Variants in XPO6 observed in about 807,000 individuals in gnomAD.
XPO6 encodes exportin-6.
A neutral mutation model predicts 130.0 loss-of-function variants in XPO6; 3 were observed. That is an observed-to-expected ratio of 0.02 (90% CI 0.01 to 0.06). The LOEUF (loss-of-function observed/expected upper bound fraction) is 0.06. Ranked by LOEUF, XPO6 falls within the 10% of genes least tolerant of loss-of-function variation. The probability of loss-of-function intolerance (pLI) is 1.00; values close to 1 mark genes in which losing one functional copy is unlikely to be tolerated. For missense variants in XPO6, 970 were observed against 1,393.0 expected (o/e 0.70, Z 4.83); for synonymous variants, 524 against 548.9 (o/e 0.95, Z 0.63).
intron 15 of XPO6, among the ~76,000 whole-genome samples, chr16:28,115,026 G>A (rs570975939): frequency 6.6e-5 from 10 of 152,232 alleles, no homozygotes; most frequent in South Asian, 2.1e-4. Context: ...TTCAGACTCC[G>A]CCTCTAGTTC....
Position 28,111,987 on chromosome 16 carries a change from C to T in XPO6, c.2171G>A (p.Arg724Gln), listed in dbSNP as rs1433696503. The T allele has an allele frequency of 4.3e-6, 7 of 1,612,646 alleles. No individual in the cohort carries two copies. The highest frequency in any genetic ancestry group is 5.9e-6 in the Non-Finnish European group (7 of 1,179,272). ...LVDKAQVLVC[R>Q]ALSNILLLPW... is the part of the protein sequence containing the mutation. ...AAGCAGCAAGATGTTAGAGAGGGCTCGGCACACCAACACCTGGGCCTACAA... is the reference window on the plus strand; with the variant it reads ...AAGCAGCAAGATGTTAGAGAGGGCTTGGCACACCAACACCTGGGCCTACAA... Residue 724 changes from arginine (R) to glutamine (Q), a missense_variant, in exon 17 of 24, where the codon CGA (arginine) becomes CAA (glutamine). Transcript: ENST00000304658.
At position 28,125,727 on chromosome 16, in the gene XPO6, A is replaced by C. The variant is rs2087383003; in HGVS notation, c.1728T>G (p.Phe576Leu). The C allele has an allele frequency of 6.2e-7, 1 of 1,614,120 alleles. No homozygotes were observed. Among genetic ancestry groups the C allele is most frequent in the Non-Finnish European group, 8.5e-7 (1 of 1,180,050 alleles). Residue 576 changes from phenylalanine to leucine, a missense_variant, in exon 13 of 24, where the codon TTT becomes TTG. Phe to Leu is a conservative substitution (Grantham distance 22, BLOSUM62 0). Around this residue, in one of 4 missense-constraint regions of XPO6, gnomAD observed 936 missense variants for 1,306.8 expected, o/e 0.72. Coordinates refer to ENST00000304658, the MANE Select transcript of XPO6 (RefSeq NM_015171.4). ...RLAEYFIGDV[F>L]AARFNDALTV... ...TGAGGGCATCATTGAACCGTGCAGCAAACACATCCCCGATAAAGTACTCGG... is the reference window on the plus strand; with the variant it reads ...TGAGGGCATCATTGAACCGTGCAGCCAACACATCCCCGATAAAGTACTCGG...
chr16:28,148,661 C>T (rs538860369), intron 8 of XPO6, among the ~76,000 whole-genome samples: 9 of 152,286 alleles, frequency 5.9e-5, no homozygotes, highest in Non-Finnish European at 1.2e-4. Context: ...TCCCCTTTTA[C>T]AGATAAAGAA....
chr16:28,195,120 G>C (rs2043839356), intron 1 of XPO6, among the ~76,000 whole-genome samples: 1 of 151,898 alleles, frequency 6.6e-6, no homozygotes, highest in Non-Finnish European at 1.5e-5. Context: ...CTCTCATACA[G>C]GGATGGCAAG....
intron 1 of XPO6, among the ~76,000 whole-genome samples, chr16:28,197,599 A>T (rs1315221293): frequency 6.6e-6 from 1 of 152,226 alleles, no homozygotes; most frequent in South Asian, 2.1e-4. Flanking sequence ...CTTTCTGGAA[A>T]ACATGTGATG....
chr16:28,191,621 G>C (rs1246454071), intron 1 of XPO6, among the ~76,000 whole-genome samples: 1 of 152,194 alleles, frequency 6.6e-6, no homozygotes, highest in Non-Finnish European at 1.5e-5. Flanking sequence ...CCCAAAGTCA[G>C]CTAGCTGTGG....
intron 5 of XPO6, 22 bp from the exon 6 acceptor site, chr16:28,166,607 A>G: frequency 6.4e-7 from 1 of 1,563,628 alleles, no homozygotes; most frequent in South Asian, 1.2e-5. Flanking sequence ...GGAGAAACAG[A>G]GTTATAAGAG....
chr16:28,199,875 G>C (rs945773730), intron 1 of XPO6, among the ~76,000 whole-genome samples: 1 of 151,786 alleles, frequency 6.6e-6, no homozygotes, highest in Admixed American at 6.6e-5. Context: ...GCCTTCCCTG[G>C]GCCGGGCACG....
chr16:28,179,343 C>T (rs1161275023), intron 2 of XPO6: 3 of 152,302 alleles, frequency 2.0e-5, no homozygotes, highest in Admixed American at 2.0e-4. Context: ...AGATTACAGG[C>T]ATGGGCCACC....
intron 1 of XPO6, among the ~76,000 whole-genome samples, chr16:28,182,088 C>A (rs890573805): frequency 1.3e-5 from 2 of 152,158 alleles, no homozygotes; most frequent in African/African-American, 4.8e-5. Flanking sequence ...TAATCAAGAG[C>A]CAGCAGCAGT....
In XPO6 at chr16:28,211,523, A is replaced by C; in HGVS notation, c.-155T>G. 2 of 882,802 alleles carry C rather than the reference A, an allele frequency of 2.3e-6. No individual in the cohort carries two copies. Among genetic ancestry groups the C allele is most frequent in the Non-Finnish European group, 3.1e-6 (2 of 654,786 alleles). 54.7% of individuals were successfully genotyped at this position (882,802 alleles called of 1,614,324 possible). On this transcript the variant is annotated 5_prime_UTR_variant, in exon 1 of 24. Coordinates refer to ENST00000304658, the MANE Select transcript of XPO6 (RefSeq NM_015171.4). ...CACCGGGCCCCGAGGGGACCCTCTA[A>C]AAAGGGCAGGGCCGCCCGGGTCGCC...
Position 28,152,799 on chromosome 16 carries a change from G to A in XPO6, c.1098-14C>T. On this transcript the variant is annotated splice_polypyrimidine_tract_variant and intron_variant, in intron 7 of 23. Transcript: ENST00000304658. ...TTCTCGATATAGCTAAATGAGACAA[G>A]ACAAAAGGTGACAATAAGAAACCCA... 6.2e-7 allele frequency: 1 copy of A among 1,605,696 alleles called. No homozygotes were observed. Among genetic ancestry groups the A allele is most frequent in the Non-Finnish European group, 8.5e-7 (1 of 1,177,628 alleles).
chr16:28,135,300 C>G lies in XPO6; in HGVS notation c.1359G>C (p.Leu453=), dbSNP rs1219963594. ...GGATTCGATTCAACACCTCTGTGAGCAGGAGCACCAGGGCATCTTCGTACC... is the reference window on the plus strand; with the variant it reads ...GGATTCGATTCAACACCTCTGTGAGGAGGAGCACCAGGGCATCTTCGTACC... ...LNRYEDALVL[L]LTEVLNRIQF... The change falls in exon 10 of 24, where the codon CTG becomes CTC. Residue 453 remains leucine (L), a synonymous_variant. Coordinates refer to ENST00000304658, the MANE Select transcript of XPO6 (RefSeq NM_015171.4). 1.2e-6 allele frequency: 2 copies of G among 1,613,700 alleles called. No individual in the cohort carries two copies. Among genetic ancestry groups the G allele is most frequent in the Admixed American group, 1.7e-5 (1 of 59,962 alleles).
At position 28,106,258 on chromosome 16, in the gene XPO6, T is replaced by C; in HGVS notation, c.2613-44A>G. ...CACAGTGAGCAACCACATGTTTCTC[T>C]GGGGGCCAGCATGAAAACCCATGCT... On this transcript the variant is annotated intron_variant, in intron 19 of 23. Transcript: ENST00000304658. This position sits in a 1 kb window ranked among gnomAD's most constrained non-coding sequence, Gnocchi z 4.2. The C allele has an allele frequency of 6.2e-7, 1 of 1,608,822 alleles. No homozygotes were observed. The highest frequency in any genetic ancestry group is 1.7e-4 in the Middle Eastern group (1 of 6,034).
chr16:28,211,853 C>T lies in XPO6; in HGVS notation c.-485G>A, dbSNP rs1489587416. 4 of 186,518 alleles carry T rather than the reference C, an allele frequency of 2.1e-5. No homozygotes were observed. The highest frequency in any genetic ancestry group is 4.4e-5 in the Non-Finnish European group (4 of 91,532). 11.6% of individuals were successfully genotyped at this position (186,518 alleles called of 1,614,324 possible). On this transcript the variant is annotated 5_prime_UTR_variant, in exon 1 of 24. Transcript: ENST00000304658. ...GCCCGCGCTGTCCTCGCAGCCTCAA[C>T]CCACACGGCCACTGCCGCCGCCCCC... is the stretch of plus-strand genomic sequence containing the variant.
chr16:28,124,057 C>T (rs978503085), intron 13 of XPO6, among the ~76,000 whole-genome samples: 1 of 137,892 alleles, frequency 7.3e-6, no homozygotes, highest in African/African-American at 2.8e-5. Flanking sequence ...GACAGATATA[C>T]CTTTTTTTTT....
chr16:28,188,166 C>G (rs1179613336), intron 1 of XPO6, among the ~76,000 whole-genome samples: 1 of 151,956 alleles, frequency 6.6e-6, no homozygotes, highest in Admixed American at 6.6e-5. Context: ...GTCTTAAAAC[C>G]CCCAGGTTCA....
At position 28,177,212 on chromosome 16, in the gene XPO6, C is replaced by T. The variant is rs1178489640; in HGVS notation, c.207+8G>A. The stretch of plus-strand genomic sequence containing the variant: ...TTTCAGAAGAGTATAAAATTACTGA[C>T]AACTTACCTCAAAAACTGTTAAACT... On this transcript the variant is annotated splice_region_variant and intron_variant, in intron 3 of 23. Coordinates refer to ENST00000304658, the MANE Select transcript of XPO6 (RefSeq NM_015171.4). 1 of 1,582,202 alleles carries T rather than the reference C, an allele frequency of 6.3e-7. No individual in the cohort carries two copies. The highest frequency in any genetic ancestry group is 1.2e-5 in the South Asian group (1 of 86,952).
At chr16:28,192,790 G>A (rs2141892488) in intron 1 of XPO6, among the ~76,000 whole-genome samples, 1 of 152,218 alleles carries the variant, frequency 6.6e-6, no homozygotes, top group South Asian at 2.1e-4. Flanking sequence ...CTGAATGTAG[G>A]CTAAAGCAAG....
Sources: allele counts gnomAD v4.1 joint callset (sites outside exome capture counted in the v4.1 genomes callset), GRCh38; gene constraint gnomAD v4.1.1; regional missense constraint gnomAD v4.1.1; non-coding constraint Gnocchi (gnomAD v3.1); transcripts MANE v1.5; gene names NCBI Gene and HGNC (gene_info 2026-07-23, HGNC 2026-07-21).